The following MGLL variants were observed in gnomAD, a reference collection of about 807,000 sequenced individuals.
The protein encoded by MGLL is lysophospholipase homolog.
A neutral mutation model predicts 29.1 loss-of-function variants in MGLL; 7 were observed. That is an observed-to-expected ratio of 0.24 (90% confidence interval 0.14 to 0.45). MGLL has a LOEUF of 0.45. MGLL is among the 20% of genes least tolerant of loss of function. MGLL has a pLI of 0.99. For missense variants in MGLL, 356 were observed against 413.6 expected, an observed-to-expected ratio of 0.86 and a Z score of 1.21; for synonymous variants, 148 against 168.3, an observed-to-expected ratio of 0.88 and a Z score of 0.93.
At chr3:127,783,265 G>A (rs1341010997) in intron 2 of MGLL, among the ~76,000 whole-genome samples, 3 of 152,054 alleles carry the variant, frequency 2.0e-5, no homozygotes, top group African/African-American at 4.8e-5. Context: ...AGCTGCTATA[G>A]GGCTCAGAAC....
At chr3:127,817,107 C>T (rs540232140) in intron 2 of MGLL, among the ~76,000 whole-genome samples, 3 of 152,258 alleles carry the variant, frequency 2.0e-5, no homozygotes, top group East Asian at 1.9e-4. Context: ...GCCACGTGAC[C>T]GAGGTCTGAG....
At chr3:127,775,952 G>A (rs1164500934) in intron 3 of MGLL, among the ~76,000 whole-genome samples, 1 of 152,216 alleles carries the variant, frequency 6.6e-6, no homozygotes, top group Admixed American at 6.5e-5. Flanking sequence ...AGGCCAAGGG[G>A]TTTCCAGTGA....
chr3:127,819,927 A>G (rs1224803946), intron 2 of MGLL, among the ~76,000 whole-genome samples: 80 of 152,208 alleles, frequency 5.3e-4, no homozygotes, highest in East Asian at 1.9e-4. Context: ...GGACCTCTGC[A>G]TCATCTCCAG....
Position 127,781,820 on chromosome 3 carries a change from C to T in MGLL, c.231G>A (p.Gly77=). Residue 77 remains glycine, a synonymous_variant, in exon 3 of 8, where the codon GGG becomes GGA. Transcript: ENST00000265052. The part of the protein sequence containing the change: ...RYEELARMLM[G]LDLLVFAHDH... The stretch of plus-strand genomic sequence containing the variant: ...CGTGGGCGAACACCAGCAGGTCCAG[C>T]CCCATCAGCATCCGAGCCAGCTCTT... 1 of 1,614,128 alleles carries T rather than the reference C, an allele frequency of 6.2e-7. No individual in the cohort carries two copies. Among genetic ancestry groups the T allele is most frequent in the South Asian group, 1.1e-5 (1 of 91,072 alleles).
intron 2 of MGLL, among the ~76,000 whole-genome samples, chr3:127,820,191 G>A (rs1443645552): frequency 2.0e-5 from 3 of 152,136 alleles, no homozygotes; most frequent in African/African-American, 4.8e-5. Flanking sequence ...ACCACAAGGC[G>A]GACGCTGACA....
At chr3:127,783,163 A>AAG (rs1476506397) in intron 2 of MGLL, among the ~76,000 whole-genome samples, 1 of 151,580 alleles carries the variant, frequency 6.6e-6, no homozygotes, top group African/African-American at 2.4e-5. Context: ...AAAAAAAAAA[A>AAG]AAAAAGAAGT....
chr3:127,782,173 G>A (rs1291048743), intron 2 of MGLL, among the ~76,000 whole-genome samples: 2 of 152,154 alleles, frequency 1.3e-5, no homozygotes, highest in Non-Finnish European at 2.9e-5. Flanking sequence ...AGTGAGCTGA[G>A]ATGGCGCCAC....
chr3:127,821,928 A>AT (rs913908301), intron 1 of MGLL, 90 bp from the exon 2 acceptor site: 3 of 1,416,062 alleles, frequency 2.1e-6, no homozygotes, highest in Admixed American at 2.3e-5. Context: ...AGTCAGTAAC[A>AT]TTTTTTTAAA....
intron 3 of MGLL, among the ~76,000 whole-genome samples, chr3:127,759,877 G>T (rs187686708): frequency 1.3e-5 from 2 of 152,316 alleles, no homozygotes; most frequent in Non-Finnish European, 2.9e-5. Flanking sequence ...CAATCTGGTG[G>T]CGTCTGTACA....
At chr3:127,698,738 A>G (rs1397905241) in intron 6 of MGLL, among the ~76,000 whole-genome samples, 1 of 152,170 alleles carries the variant, frequency 6.6e-6, no homozygotes, top group Non-Finnish European at 1.5e-5. Flanking sequence ...GCTGGGGGAA[A>G]CTGGGTAATG....
intron 2 of MGLL, among the ~76,000 whole-genome samples, chr3:127,807,801 GC>G (rs1339011078): frequency 2.7e-5 from 3 of 111,380 alleles, no homozygotes; most frequent in Non-Finnish European, 5.0e-5. Flanking sequence ...TCGCTCTGTT[GC>G]CCAGGCTGGA....
chr3:127,730,440 G>C (rs567327112), intron 3 of MGLL, among the ~76,000 whole-genome samples: 1 of 152,324 alleles, frequency 6.6e-6, no homozygotes, highest in South Asian at 2.1e-4. Context: ...TGAAGCATAC[G>C]CACACGTTCC....
At chr3:127,692,388 C>A in intron 7 of MGLL, 65 bp from the exon 8 acceptor site, 1 of 1,601,310 alleles carries the variant, frequency 6.2e-7, no homozygotes, top group South Asian at 1.1e-5. Flanking sequence ...GAGCGGAGAC[C>A]GTGGGCAGTG....
chr3:127,726,983 G>A (rs2076058217), intron 3 of MGLL, among the ~76,000 whole-genome samples: 1 of 152,086 alleles, frequency 6.6e-6, no homozygotes, highest in Non-Finnish European at 1.5e-5. Flanking sequence ...TTTACAGCTG[G>A]TGTTTTAGAA....
chr3:127,736,243 T>TA (rs5852521), intron 3 of MGLL: 525,635 of 985,856 alleles, frequency 0.53, 142,803 homozygotes, highest in Non-Finnish European at 0.56. Context: ...CAAATTGCTT[T>TA]AAAAAAATGG....
rs562527118 is a variant in MGLL at position 127,795,902 on chromosome 3, T to C, written c.156-14007A>G. ...CCAGTGATAACAATTATGAACATTA[T>C]GATATATTTCCTTCCAGGTTCTTTT... is the stretch of plus-strand genomic sequence containing the variant. On this transcript the variant is annotated intron_variant, in intron 2 of 7. Transcript: ENST00000265052. 2.0e-5 allele frequency among the ~76,000 whole-genome samples: 3 copies of C among 152,366 alleles called. No individual in the cohort carries two copies. In the South Asian group the frequency reaches 6.2e-4, roughly 32 times the overall value.
chr3:127,809,942 C>G (rs772297656), intron 2 of MGLL, among the ~76,000 whole-genome samples: 7 of 152,146 alleles, frequency 4.6e-5, no homozygotes, highest in Non-Finnish European at 7.3e-5. Flanking sequence ...GATCCTTGTC[C>G]AATTCTAGAC....
At chr3:127,765,679 A>G in intron 3 of MGLL, among the ~76,000 whole-genome samples, 1 of 152,258 alleles carries the variant, frequency 6.6e-6, no homozygotes, top group East Asian at 1.9e-4. Context: ...GTAAACGAAC[A>G]GAAACACGTA....
Position 127,766,392 on chromosome 3 carries a change from A to G in MGLL, c.262+15397T>C, listed in dbSNP as rs571698491. Reference sequence around the variant, plus strand: ...TATACATTTCTAATTTTAACTATGTAGACACGCACCTTATTGAAAGTAAAT... The same window carrying G: ...TATACATTTCTAATTTTAACTATGTGGACACGCACCTTATTGAAAGTAAAT... On this transcript the variant is annotated intron_variant, in intron 3 of 7. Coordinates refer to ENST00000265052, the MANE Select transcript of MGLL (RefSeq NM_007283.7). 2.0e-5 allele frequency among the ~76,000 whole-genome samples: 3 copies of G among 152,316 alleles called. No homozygotes were observed. In the South Asian group the frequency reaches 6.2e-4, roughly 32 times the overall value.
Sources: allele counts gnomAD v4.1 joint callset (sites outside exome capture counted in the v4.1 genomes callset), GRCh38; gene constraint gnomAD v4.1.1; transcripts MANE v1.5; gene names NCBI Gene and HGNC (gene_info 2026-07-23, HGNC 2026-07-21).